Variants in SV2C observed in about 807,000 individuals in gnomAD.
SV2C encodes the protein solute carrier family 22 member B3.
In SV2C, 49 loss-of-function variants were observed where a neutral mutation model predicts 79.7. That is an observed-to-expected ratio of 0.61 (90% CI 0.49 to 0.78). The LOEUF is 0.78. SV2C is among the 30% of genes least tolerant of loss of function. The pLI, the probability that SV2C is intolerant of heterozygous loss-of-function variation, is 0.00. For missense variants in SV2C, 833 were observed against 912.9 expected (o/e 0.91, Z 1.13); for synonymous variants, 334 against 333.2 (o/e 1.00, Z -0.03).
chr5:75,870,580 AG>A, the SV2C span, among the ~76,000 whole-genome samples: 3 of 152,164 alleles, frequency 2.0e-5, no homozygotes, highest in Non-Finnish European at 4.4e-5. Context: ...AAAAAGAAAT[AG>A]GGGTAAGAAG....
At chr5:75,965,105 C>T in the SV2C span, among the ~76,000 whole-genome samples, 1 of 152,090 alleles carries the variant, frequency 6.6e-6, no homozygotes, top group Non-Finnish European at 1.5e-5. Flanking sequence ...AACTTGCAGA[C>T]ACTTTGACTT....
chr5:75,905,930 A>C, the SV2C span, among the ~76,000 whole-genome samples: 1 of 148,328 alleles, frequency 6.7e-6, no homozygotes, highest in African/African-American at 2.5e-5. Flanking sequence ...AGATGAAGTC[A>C]TACTAGATAG....
chr5:76,003,092 CT>C, the SV2C span, among the ~76,000 whole-genome samples: 1 of 152,110 alleles, frequency 6.6e-6, no homozygotes, highest in Non-Finnish European at 1.5e-5. Context: ...GCTTTTTCCC[CT>C]TTTGCTCGGC....
At chr5:76,170,264 A>G in intron 2 of SV2C, among the ~76,000 whole-genome samples, 1 of 138,046 alleles carries the variant, frequency 7.2e-6, no homozygotes, top group African/African-American at 2.7e-5. Flanking sequence ...TAAATAAAAC[A>G]GCAATAGTTA....
At chr5:75,969,775 A>G in the SV2C span, among the ~76,000 whole-genome samples, 15 of 152,114 alleles carry the variant, frequency 9.9e-5, no homozygotes, top group Non-Finnish European at 1.5e-4. Flanking sequence ...GAGACAGAAA[A>G]GTAACAAGGA....
the SV2C span, chr5:75,920,586 T>C: frequency 0.47 from 248,368 of 523,766 alleles, 62,409 homozygotes; most frequent in African/African-American, 0.75. Flanking sequence ...CCTCTGATAG[T>C]GCATGTGGAC....
At chr5:76,265,788 C>G (rs1340702963) in intron 4 of SV2C, among the ~76,000 whole-genome samples, 1 of 152,114 alleles carries the variant, frequency 6.6e-6, no homozygotes, top group Non-Finnish European at 1.5e-5. Context: ...TTCTGCTTGC[C>G]CTCTGTGGGC....
At chr5:76,105,614 T>C (rs1366337773) in intron 1 of SV2C, among the ~76,000 whole-genome samples, 3 of 152,182 alleles carry the variant, frequency 2.0e-5, no homozygotes, top group Non-Finnish European at 4.4e-5. Flanking sequence ...AGTTGCTACC[T>C]TTGTGATATT....
At chr5:76,147,351 G>A (rs1749469771) in intron 2 of SV2C, among the ~76,000 whole-genome samples, 1 of 152,232 alleles carries the variant, frequency 6.6e-6, no homozygotes, top group African/African-American at 2.4e-5. Context: ...GGGACTGGCA[G>A]TACATCCTGT....
intron 12 of SV2C, 44 bp downstream of exon 12, chr5:76,301,589 T>C: frequency 6.4e-7 from 1 of 1,573,752 alleles, no homozygotes; most frequent in Non-Finnish European, 8.6e-7. Flanking sequence ...CTAAGCCCTG[T>C]GAGACCACTG....
chr5:76,022,315 C>T, the SV2C span, among the ~76,000 whole-genome samples: 1 of 152,200 alleles, frequency 6.6e-6, no homozygotes, highest in Admixed American at 6.5e-5. Flanking sequence ...GAACAGTGCA[C>T]ACTTCAGGAT....
rs1394541479 is a variant in SV2C, at chr5:76,183,755, A to G, written c.581-11164A>G. ...CTCTTGGTGTGCTATGCTCTGACAC[A>G]CTTCCAAACCTTTGAAGATGATATT... On this transcript the variant is annotated intron_variant, in intron 2 of 12. Transcript: ENST00000502798. Among the ~76,000 whole-genome samples, 3 of 152,180 alleles carry G rather than the reference A, an allele frequency of 2.0e-5. No homozygotes were observed. The East Asian group carries it at 5.8e-4, about 29-fold the overall frequency.
chr5:76,001,015 A>C, the SV2C span, among the ~76,000 whole-genome samples: 2 of 151,972 alleles, frequency 1.3e-5, no homozygotes, highest in African/African-American at 4.8e-5. Flanking sequence ...TTAAAAAAAA[A>C]AAAAAAACTA....
chr5:76,188,031 G>A (rs982947772), intron 2 of SV2C, among the ~76,000 whole-genome samples: 8 of 152,168 alleles, frequency 5.3e-5, no homozygotes, highest in Non-Finnish European at 8.8e-5. Flanking sequence ...GCTAAGGGCA[G>A]GTGGATTGCT....
chr5:76,150,160 G>A (rs1391361049), intron 2 of SV2C, among the ~76,000 whole-genome samples: 1 of 151,652 alleles, frequency 6.6e-6, no homozygotes, highest in Admixed American at 6.6e-5. Flanking sequence ...GGTGACAGGT[G>A]GTCAGCTTCT....
chr5:76,176,544 G>A (rs1378941958), intron 2 of SV2C, among the ~76,000 whole-genome samples: 1 of 152,090 alleles, frequency 6.6e-6, no homozygotes, highest in East Asian at 1.9e-4. Context: ...AACACCCTCT[G>A]CTTCAATCCT....
intron 2 of SV2C, among the ~76,000 whole-genome samples, chr5:76,162,861 G>A (rs545091411): frequency 9.1e-4 from 139 of 152,258 alleles, no homozygotes; most frequent in Admixed American, 2.4e-3. Context: ...ATTTTGTAAG[G>A]TAATAAAGTT....
the SV2C span, among the ~76,000 whole-genome samples, chr5:75,995,500 T>G: frequency 6.6e-6 from 1 of 152,208 alleles, no homozygotes; most frequent in South Asian, 2.1e-4. Flanking sequence ...TGCAGTATAT[T>G]AAAAATAAAA....
At chr5:75,884,625 CATATT>C in the SV2C span, among the ~76,000 whole-genome samples, 4 of 152,000 alleles carry the variant, frequency 2.6e-5, no homozygotes, top group African/African-American at 7.2e-5. Flanking sequence ...ACTTAAAAAA[CATATT>C]GTACAAGAAG....
Sources: gnomAD v4.1 joint callset for allele counts (sites outside exome capture counted in the v4.1 genomes callset) on GRCh38, gnomAD v4.1.1 for gene constraint, MANE v1.5 for transcripts, NCBI Gene and HGNC (gene_info 2026-07-23, HGNC 2026-07-21) for gene names.